Variants in LRRC2 observed in about 807,000 individuals in gnomAD.
The protein encoded by LRRC2 is leucine rich repeat containing 2.
LRRC2 carries 27 observed loss-of-function variants against 40.2 expected under a neutral mutation model. That is an observed-to-expected ratio of 0.67 (90% confidence interval 0.49 to 0.93). The LOEUF is 0.93. Among genes scored for constraint, LRRC2 ranks in the 40% least tolerant of loss-of-function variants. The pLI is 0.00. For synonymous variants in LRRC2, 147 were observed against 158.9 expected (o/e 0.92, Z 0.56); for missense variants, 402 against 439.6 (o/e 0.91, Z 0.76).
chr3:46,557,450 G>C (rs930555878), intron 1 of LRRC2: 6 of 152,184 alleles, frequency 3.9e-5, no homozygotes, highest in African/African-American at 1.2e-4. Flanking sequence ...AAGCTTTATT[G>C]CTCACACAAA....
intron 7 of LRRC2, among the ~76,000 whole-genome samples, chr3:46,523,154 T>A (rs1186234699): frequency 1.3e-5 from 2 of 152,256 alleles, no homozygotes; most frequent in Non-Finnish European, 2.9e-5. Flanking sequence ...TTTTCCTTTA[T>A]AATTTTTTCA....
chr3:46,547,076 G>A (rs763937179), intron 2 of LRRC2, among the ~76,000 whole-genome samples: 2 of 152,168 alleles, frequency 1.3e-5, no homozygotes, highest in African/African-American at 4.8e-5. Flanking sequence ...TGTTATGCCT[G>A]CCTGCAACCC....
chr3:46,527,703 G>T, intron 6 of LRRC2, 122 bp from the exon 7 acceptor site: 1 of 782,764 alleles, frequency 1.3e-6, no homozygotes, highest in Non-Finnish European at 2.0e-6. Flanking sequence ...TGACCTTTAT[G>T]AGAACCAACT....
intron 2 of LRRC2, among the ~76,000 whole-genome samples, chr3:46,545,574 G>T (rs1319880349): frequency 6.6e-6 from 1 of 152,186 alleles, no homozygotes; most frequent in Non-Finnish European, 1.5e-5. Context: ...GGGATTCACT[G>T]ATCTTTCAAG....
chr3:46,527,520 T>C lies in LRRC2; in HGVS notation c.835A>G (p.Met279Val). ...KNKLTYLPYS[M>V]LNLKKLTLLV... ...AGAGTGAGCTTCTTCAGGTTCAGCATGGAATAGGGAAGGTAGGTCAACTTG... is the reference window on the plus strand; with the variant it reads ...AGAGTGAGCTTCTTCAGGTTCAGCACGGAATAGGGAAGGTAGGTCAACTTG... The change falls in exon 7 of 9, where the codon ATG becomes GTG. Residue 279 changes from methionine to valine, a missense_variant. Transcript: ENST00000395905. 6.2e-7 allele frequency: 1 copy of C among 1,613,870 alleles called. No individual in the cohort carries two copies. Among genetic ancestry groups the C allele is most frequent in the South Asian group, 1.1e-5 (1 of 91,072 alleles).
chr3:46,550,600 C>T (rs936256732), intron 2 of LRRC2, among the ~76,000 whole-genome samples: 1 of 152,092 alleles, frequency 6.6e-6, no homozygotes, highest in African/African-American at 2.4e-5. Flanking sequence ...ACCGTGTTAG[C>T]CAGGATGGTC....
intron 3 of LRRC2, among the ~76,000 whole-genome samples, chr3:46,541,985 T>C (rs549108443): frequency 6.6e-6 from 1 of 152,186 alleles, no homozygotes; most frequent in African/African-American, 2.4e-5. Context: ...AGACAAATCA[T>C]GAATGTGCAT....
chr3:46,543,259 GTC>G (rs1379642264), intron 3 of LRRC2, among the ~76,000 whole-genome samples: 1 of 152,082 alleles, frequency 6.6e-6, no homozygotes, highest in Non-Finnish European at 1.5e-5. Flanking sequence ...CACAATGGAG[GTC>G]TCTCCCAGCC....
chr3:46,535,479 C>T (rs1212190319), intron 4 of LRRC2, among the ~76,000 whole-genome samples: 1 of 152,060 alleles, frequency 6.6e-6, no homozygotes, highest in African/African-American at 2.4e-5. Flanking sequence ...TTATTGTCCC[C>T]CTCCTTCCCA....
At chr3:46,563,853 C>A (rs1705000975) in intron 1 of LRRC2, among the ~76,000 whole-genome samples, 1 of 152,156 alleles carries the variant, frequency 6.6e-6, no homozygotes. Context: ...CTTGTCCAAG[C>A]CCCTGCAGAC....
At chr3:46,546,715 C>CTTTTTTTTT (rs71098416) in intron 2 of LRRC2, among the ~76,000 whole-genome samples, 1 of 106,628 alleles carries the variant, frequency 9.4e-6, no homozygotes, top group South Asian at 3.3e-4. Context: ...CAATTTGCTC[C>CTTTTTTTTT]TTTTTTTTTT....
At chr3:46,551,726 T>A in intron 1 of LRRC2, 116 bp from the exon 2 acceptor site, 1 of 520,984 alleles carries the variant, frequency 1.9e-6, no homozygotes, top group Non-Finnish European at 3.0e-6. Flanking sequence ...ATGATATGCC[T>A]TACTACTTCA....
At chr3:46,551,374 G>A in intron 2 of LRRC2, 93 bp downstream of exon 2, 2 of 1,474,164 alleles carry the variant, frequency 1.4e-6, no homozygotes, top group South Asian at 2.7e-5. Context: ...AGAAATCCCA[G>A]AAGAAAAGCA....
At chr3:46,523,904 A>C (rs1481848592) in intron 7 of LRRC2, among the ~76,000 whole-genome samples, 2 of 152,224 alleles carry the variant, frequency 1.3e-5, no homozygotes, top group Non-Finnish European at 2.9e-5. Flanking sequence ...GATGTATCTC[A>C]AAGCACAATC....
Position 46,545,163 on chromosome 3 carries a change from G to T in LRRC2, c.216C>A (p.Ser72Arg), listed in dbSNP as rs113066556. The T allele has an allele frequency of 2.5e-6, 4 of 1,614,174 alleles. No individual in the cohort carries two copies. Among genetic ancestry groups the T allele is most frequent in the Non-Finnish European group, 3.4e-6 (4 of 1,180,018 alleles). ...VYCKNGFIDT[S>R]VRLLDKIERN... ...TTTCAATCTTGTCCAGAAGCCGCAC[G>T]CTGGTGTCTATGAAGCCATTCTTGC... The change falls in exon 3 of 9, where the codon AGC (serine) becomes AGA (arginine). Residue 72 changes from serine to arginine, a missense_variant. Physicochemically the swap from Ser to Arg is moderately radical, Grantham distance 110 (BLOSUM62 -1). Transcript: ENST00000395905.
chr3:46,548,523 T>G (rs1704575548), intron 2 of LRRC2, among the ~76,000 whole-genome samples: 1 of 152,122 alleles, frequency 6.6e-6, no homozygotes, highest in Non-Finnish European at 1.5e-5. Flanking sequence ...CAGTTTTAGC[T>G]GAATGCCAAA....
chr3:46,523,338 A>G (rs1483486967), intron 7 of LRRC2, among the ~76,000 whole-genome samples: 3 of 152,130 alleles, frequency 2.0e-5, no homozygotes, highest in Non-Finnish European at 2.9e-5. Context: ...TACTCTTCAG[A>G]TCCCAGAAGC....
intron 1 of LRRC2, among the ~76,000 whole-genome samples, chr3:46,555,704 T>C (rs763771733): frequency 2.0e-5 from 3 of 152,186 alleles, no homozygotes; most frequent in Non-Finnish European, 4.4e-5. Context: ...ATCAATGTTA[T>C]ATTTTTGGCT....
intron 3 of LRRC2, among the ~76,000 whole-genome samples, 179 bp from the exon 4 acceptor site, chr3:46,539,380 T>A (rs1704337516): frequency 6.6e-6 from 1 of 152,234 alleles, no homozygotes; most frequent in Non-Finnish European, 1.5e-5. Context: ...TGTCGTCAAC[T>A]TCACAACAGT....
Sources: gnomAD v4.1 joint callset for allele counts (sites outside exome capture counted in the v4.1 genomes callset) on GRCh38, gnomAD v4.1.1 for gene constraint, MANE v1.5 for transcripts, NCBI Gene and HGNC (gene_info 2026-07-23, HGNC 2026-07-21) for gene names.